Variants in RAB38 observed in about 807,000 individuals in gnomAD.
RAB38 encodes RAB38, member RAS oncogene family, also known as ras-related protein Rab-38.
A neutral mutation model predicts 18.4 loss-of-function variants in RAB38; 15 were observed. The ratio of observed to expected loss-of-function variants is 0.82; its 90% CI spans 0.55 to 1.26. The LOEUF is 1.26. RAB38 is among the 50% of genes most tolerant of loss of function. RAB38 has a pLI of 0.00. For synonymous variants in RAB38, 101 were observed against 104.4 expected (o/e 0.97, Z 0.20); for missense variants, 294 against 267.4 (o/e 1.10, Z -0.69).
the RAB38 span, among the ~76,000 whole-genome samples, chr11:88,028,179 G>C: frequency 2.6e-5 from 4 of 152,184 alleles, no homozygotes; most frequent in African/African-American, 9.7e-5. Flanking sequence ...CTGTCTGTTA[G>C]AAGGAAAACT....
chr11:87,875,857 C>G, the RAB38 span, among the ~76,000 whole-genome samples: 3 of 151,510 alleles, frequency 2.0e-5, no homozygotes, highest in Non-Finnish European at 3.0e-5. Flanking sequence ...CAGATTAGTT[C>G]TAATAATTTG....
the RAB38 span, among the ~76,000 whole-genome samples, chr11:87,949,500 C>A: frequency 6.6e-6 from 1 of 152,178 alleles, no homozygotes; most frequent in Non-Finnish European, 1.5e-5. Context: ...AATTTTAGAT[C>A]TTTCCTGCTT....
chr11:87,951,725 C>A, the RAB38 span, among the ~76,000 whole-genome samples: 1 of 151,832 alleles, frequency 6.6e-6, no homozygotes, highest in Non-Finnish European at 1.5e-5. Flanking sequence ...ATTGGTGAAC[C>A]GCAAATGCTG....
chr11:88,160,086 A>G (rs1376722810), intron 1 of RAB38, among the ~76,000 whole-genome samples: 1 of 152,118 alleles, frequency 6.6e-6, no homozygotes, highest in Non-Finnish European at 1.5e-5. Context: ...ACATCCAACA[A>G]ATGTCTACTA....
chr11:87,819,599 T>C, the RAB38 span, among the ~76,000 whole-genome samples: 2 of 151,450 alleles, frequency 1.3e-5, no homozygotes. Flanking sequence ...GAACACAGAC[T>C]CTCAAAAGTA....
At chr11:88,155,558 A>G (rs1943115453) in intron 1 of RAB38, among the ~76,000 whole-genome samples, 1 of 152,236 alleles carries the variant, frequency 6.6e-6, no homozygotes, top group Non-Finnish European at 1.5e-5. Flanking sequence ...CATGAAAATA[A>G]TTACAAAAAT....
the RAB38 span, among the ~76,000 whole-genome samples, chr11:87,869,266 A>G: frequency 6.6e-6 from 1 of 151,630 alleles, no homozygotes; most frequent in African/African-American, 2.4e-5. Flanking sequence ...AGGCACTGGG[A>G]TAAGCGTTTA....
At chr11:87,953,161 GTATAATAA>G in the RAB38 span, among the ~76,000 whole-genome samples, 1 of 152,096 alleles carries the variant, frequency 6.6e-6, no homozygotes, top group Non-Finnish European at 1.5e-5. Context: ...AGGACTGGAG[GTATAATAA>G]TATACAAGCT....
chr11:88,004,301 G>C, the RAB38 span, among the ~76,000 whole-genome samples: 51 of 150,990 alleles, frequency 3.4e-4, no homozygotes, highest in African/African-American at 1.2e-3. Context: ...GAGCAAGTTA[G>C]ATTTGTCCTA....
chr11:88,166,885 T>C (rs1452538315), intron 1 of RAB38: 1 of 152,180 alleles, frequency 6.6e-6, no homozygotes, highest in African/African-American at 2.4e-5. Context: ...CTATTTTTTA[T>C]TGAAGAAATG....
the RAB38 span, among the ~76,000 whole-genome samples, chr11:87,973,906 G>C: frequency 6.6e-6 from 1 of 151,854 alleles, no homozygotes; most frequent in Admixed American, 6.6e-5. Flanking sequence ...TATTTTGAGG[G>C]ATTTTCCCTA....
chr11:87,855,699 T>A, the RAB38 span, among the ~76,000 whole-genome samples: 54 of 152,196 alleles, frequency 3.5e-4, no homozygotes, highest in Non-Finnish European at 6.5e-4. Flanking sequence ...ATCTATGGCA[T>A]ACAAATCAGA....
At chr11:87,976,371 AC>A in the RAB38 span, among the ~76,000 whole-genome samples, 3 of 141,584 alleles carry the variant, frequency 2.1e-5, no homozygotes, top group African/African-American at 7.7e-5. Flanking sequence ...AAAAATATAT[AC>A]AAATACAAAT....
At chr11:87,870,017 T>C in the RAB38 span, among the ~76,000 whole-genome samples, 3 of 151,828 alleles carry the variant, frequency 2.0e-5, no homozygotes, top group African/African-American at 4.8e-5. Flanking sequence ...TTCATACTTA[T>C]GCTTAAATTA....
At chr11:87,930,817 T>C in the RAB38 span, among the ~76,000 whole-genome samples, 6 of 150,248 alleles carry the variant, frequency 4.0e-5, no homozygotes, top group Non-Finnish European at 8.8e-5. Flanking sequence ...ATTTATTAAA[T>C]AGGGAATCCT....
At chr11:87,834,198 C>T in the RAB38 span, among the ~76,000 whole-genome samples, 1 of 152,176 alleles carries the variant, frequency 6.6e-6, no homozygotes, top group African/African-American at 2.4e-5. Flanking sequence ...CAAAGACCAG[C>T]CACCAAAGCT....
chr11:88,007,115 A>T, the RAB38 span, among the ~76,000 whole-genome samples: 1 of 151,802 alleles, frequency 6.6e-6, no homozygotes, highest in African/African-American at 2.4e-5. Context: ...TGTTCCTCAT[A>T]AATATGTACA....
intron 1 of RAB38, among the ~76,000 whole-genome samples, chr11:88,160,971 C>T (rs562453337): frequency 2.0e-5 from 3 of 151,184 alleles, no homozygotes; most frequent in African/African-American, 4.9e-5. Flanking sequence ...ATATGTATCC[C>T]CCTGAATCTA....
the RAB38 span, among the ~76,000 whole-genome samples, chr11:87,809,962 A>G: frequency 6.6e-6 from 1 of 152,142 alleles, no homozygotes; most frequent in Non-Finnish European, 1.5e-5. Flanking sequence ...ATATTAATTG[A>G]AATTGCTGTC....
Sources: gnomAD v4.1 joint callset for allele counts (sites outside exome capture counted in the v4.1 genomes callset) on GRCh38, gnomAD v4.1.1 for gene constraint, MANE v1.5 for transcripts, NCBI Gene and HGNC (gene_info 2026-07-23, HGNC 2026-07-21) for gene names.